PALM2AKAP2: variants seen among roughly 807,000 people sequenced by gnomAD.
PALM2AKAP2 encodes PALM2 and AKAP2 fusion.
A neutral mutation model predicts 71.5 loss-of-function variants in PALM2AKAP2; 37 were observed. The ratio of observed to expected loss-of-function variants is 0.52; its 90% CI spans 0.40 to 0.68. The LOEUF is 0.68. Among genes scored for constraint, PALM2AKAP2 ranks in the 30% least tolerant of loss-of-function variants. PALM2AKAP2 has a pLI of 0.00. For missense variants in PALM2AKAP2, 1,224 were observed against 1,191.8 expected, an observed-to-expected ratio of 1.03 and a Z score of -0.40; for synonymous variants, 468 against 478.8, an observed-to-expected ratio of 0.98 and a Z score of 0.29.
intron 3 of PALM2AKAP2, among the ~76,000 whole-genome samples, chr9:109,891,502 T>A (rs188323952): frequency 6.6e-6 from 1 of 152,212 alleles, no homozygotes; most frequent in African/African-American, 2.4e-5. Flanking sequence ...TGTGTGTGTG[T>A]GAGACAGAGT....
chr9:110,062,519 C>T (rs1015987470), intron 1 of PALM2AKAP2, among the ~76,000 whole-genome samples: 2 of 152,070 alleles, frequency 1.3e-5, no homozygotes, highest in Non-Finnish European at 2.9e-5. Flanking sequence ...TATCTCCAAG[C>T]CTTCAATCTG....
rs76681799 is a variant in PALM2AKAP2, at chr9:110,144,937, C to T, written c.2569+6398C>T. 1.8e-3 allele frequency among the ~76,000 whole-genome samples: 277 copies of T among 152,272 alleles called. 1 individual carries two copies. The highest frequency in any genetic ancestry group is 0.014 in the Middle Eastern group (4 of 294). On this transcript the variant is annotated intron_variant, in intron 2 of 3. Transcript: ENST00000374525. Reference sequence around the variant, plus strand: ...GAAAATGGGAGAGCCTGGTTTCAAACTCAGGCTCTCATTTGTCTCCAAAAT... The same window carrying T: ...GAAAATGGGAGAGCCTGGTTTCAAATTCAGGCTCTCATTTGTCTCCAAAAT...
intron 3 of PALM2AKAP2, among the ~76,000 whole-genome samples, chr9:109,911,596 TC>T (rs1336341911): frequency 1.3e-5 from 2 of 152,226 alleles, no homozygotes; most frequent in Non-Finnish European, 2.9e-5. Flanking sequence ...TGTTCTTTTT[TC>T]TCACTGAATA....
At chr9:109,865,010 A>G (rs1007336795) in intron 1 of PALM2AKAP2, among the ~76,000 whole-genome samples, 5 of 149,292 alleles carry the variant, frequency 3.3e-5, no homozygotes, top group African/African-American at 1.2e-4. Context: ...TCCCTGGAAT[A>G]TGCAGTGCAT....
At chr9:110,048,699 G>T in exon 1 of PALM2AKAP2, 1 of 1,544,176 alleles carries the variant, frequency 6.5e-7, no homozygotes, top group Non-Finnish European at 8.7e-7. Flanking sequence ...ACTCCCTGCA[G>T]ATGCGCTGGC....
chr9:109,841,377 T>G (rs1485327562), intron 1 of PALM2AKAP2, among the ~76,000 whole-genome samples: 40 of 120,276 alleles, frequency 3.3e-4, no homozygotes, highest in Admixed American at 8.8e-4. Flanking sequence ...GGGGTGGGGG[T>G]AGGGGGGAGG....
chr9:110,106,795 G>A (rs1835131229), intron 1 of PALM2AKAP2, among the ~76,000 whole-genome samples: 1 of 152,202 alleles, frequency 6.6e-6, no homozygotes, highest in African/African-American at 2.4e-5. Flanking sequence ...AAATTGGATT[G>A]CCATTTCAGT....
At chr9:109,784,734 A>G (rs941155696) in intron 1 of PALM2AKAP2, among the ~76,000 whole-genome samples, 1 of 152,258 alleles carries the variant, frequency 6.6e-6, no homozygotes, top group African/African-American at 2.4e-5. Flanking sequence ...GCAGCAGGCC[A>G]TTGGAGCCTT....
chr9:109,995,347 G>C (rs1832553459), intron 6 of PALM2AKAP2, among the ~76,000 whole-genome samples: 1 of 152,162 alleles, frequency 6.6e-6, no homozygotes, highest in Non-Finnish European at 1.5e-5. Context: ...GGCAGGGGGT[G>C]GGTCTTTCCA....
chr9:109,918,856 AGTT>A (rs1278797622), intron 3 of PALM2AKAP2, among the ~76,000 whole-genome samples: 4 of 152,204 alleles, frequency 2.6e-5, no homozygotes, highest in East Asian at 1.9e-4. Context: ...GTTGAAACTC[AGTT>A]GTTGTTATCA....
intron 3 of PALM2AKAP2, among the ~76,000 whole-genome samples, chr9:109,891,485 T>TTC (rs143927167): frequency 2.6e-5 from 4 of 151,226 alleles, no homozygotes; most frequent in Non-Finnish European, 4.4e-5. Context: ...ACTCATCATT[T>TTC]TGTGTGTGTG....
intron 6 of PALM2AKAP2, among the ~76,000 whole-genome samples, chr9:109,996,038 T>C (rs988486134): frequency 6.6e-6 from 1 of 152,216 alleles, no homozygotes; most frequent in African/African-American, 2.4e-5. Context: ...GACCACCAGA[T>C]GGGTAGCTGA....
At chr9:110,156,270 G>A in intron 2 of PALM2AKAP2, 49 bp from the exon 9 acceptor site, 2 of 1,490,610 alleles carry the variant, frequency 1.3e-6, no homozygotes, top group Non-Finnish European at 1.8e-6. Context: ...TCTAAAAGCA[G>A]TCATGAGCAG....
intron 6 of PALM2AKAP2, among the ~76,000 whole-genome samples, chr9:110,008,153 G>A (rs577443264): frequency 3.9e-5 from 6 of 152,222 alleles, no homozygotes; most frequent in African/African-American, 1.4e-4. Flanking sequence ...TCTGGTTTCT[G>A]TGACTACCCT....
chr9:109,693,059 T>TCCTGTAAA (rs1425129453), intron 1 of PALM2AKAP2, among the ~76,000 whole-genome samples: 2 of 151,970 alleles, frequency 1.3e-5, no homozygotes, highest in African/African-American at 4.8e-5. Context: ...GGCATTGCAC[T>TCCTGTAAA]CCTGTAAATG....
chr9:109,816,069 C>G (rs574866630), intron 1 of PALM2AKAP2, among the ~76,000 whole-genome samples: 99 of 152,300 alleles, frequency 6.5e-4, no homozygotes, highest in African/African-American at 2.2e-3. Context: ...GTATCTTTAA[C>G]TGAAGCTAGA....
intron 1 of PALM2AKAP2, among the ~76,000 whole-genome samples, chr9:109,675,453 T>G (rs939817661): frequency 1.3e-5 from 2 of 152,188 alleles, no homozygotes; most frequent in Admixed American, 1.3e-4. Flanking sequence ...AATGCCAATC[T>G]AATATAATAA....
intron 6 of PALM2AKAP2, among the ~76,000 whole-genome samples, chr9:110,005,216 C>T (rs932214485): frequency 1.3e-5 from 2 of 152,194 alleles, no homozygotes; most frequent in Admixed American, 6.5e-5. Flanking sequence ...TGTGGATGTC[C>T]TTGCTGTTTG....
chr9:110,053,527 C>CAAAAAAAAAAAAAAAAAAAAA (rs56132919), intron 1 of PALM2AKAP2, among the ~76,000 whole-genome samples: 1 of 82,866 alleles, frequency 1.2e-5, no homozygotes, highest in Non-Finnish European at 2.2e-5. Flanking sequence ...AACTCTGTCT[C>CAAAAAAAAAAAAAAAAAAAAA]AAAAAAAAAA....
Sources: allele counts gnomAD v4.1 joint callset (sites outside exome capture counted in the v4.1 genomes callset), GRCh38; gene constraint gnomAD v4.1.1; transcripts MANE v1.5; gene names NCBI Gene and HGNC (gene_info 2026-07-23, HGNC 2026-07-21).